The following BMS1 variants were observed in gnomAD, a reference collection of about 807,000 sequenced individuals.
BMS1 encodes BMS1 ribosome biogenesis factor.
BMS1 carries 53 observed loss-of-function variants against 138.7 expected under a neutral mutation model. The observed-to-expected ratio is 0.38, with a 90% CI of 0.31 to 0.48. The LOEUF (loss-of-function observed/expected upper bound fraction) is 0.48, where lower values mean the gene tolerates loss of function less well. Ranked by LOEUF, BMS1 falls within the 20% of genes least tolerant of loss-of-function variation. BMS1 has a pLI of 0.97. For missense variants in BMS1, 1,360 were observed against 1,565.5 expected (o/e 0.87, Z 2.22); for synonymous variants, 504 against 539.9 (o/e 0.93, Z 0.92).
chr10:42,817,882 C>T (rs1039503016), intron 15 of BMS1, among the ~76,000 whole-genome samples: 21 of 152,288 alleles, frequency 1.4e-4, no homozygotes, highest in African/African-American at 5.1e-4. Flanking sequence ...ATCAGTGGCC[C>T]CTGTGGCTTA....
chr10:42,817,520 C>A, intron 15 of BMS1, 26 bp downstream of exon 15: 1 of 1,583,032 alleles, frequency 6.3e-7, no homozygotes. Flanking sequence ...TCCTCTCAGC[C>A]CCTTGTCAAG....
At chr10:42,829,096 A>G (rs1348299854) in intron 21 of BMS1, among the ~76,000 whole-genome samples, 1 of 152,222 alleles carries the variant, frequency 6.6e-6, no homozygotes, top group Non-Finnish European at 1.5e-5. Context: ...CTTTCAATTT[A>G]TTAACAGTAT....
chr10:42,821,120 T>C (rs1564429627), intron 18 of BMS1, 128 bp downstream of exon 18: 4 of 812,840 alleles, frequency 4.9e-6, no homozygotes, highest in East Asian at 2.6e-5. Context: ...AATTTCCCTT[T>C]GCTTTTAATC....
chr10:42,798,423 G>C, intron 11 of BMS1, 45 bp from the exon 12 acceptor site: 1 of 1,612,228 alleles, frequency 6.2e-7, no homozygotes, highest in Non-Finnish European at 8.5e-7. Context: ...GTCCTCTAGG[G>C]CTGTAATTTT....
At chr10:42,802,600 T>G (rs1342006790) in intron 13 of BMS1, among the ~76,000 whole-genome samples, 1 of 151,948 alleles carries the variant, frequency 6.6e-6, no homozygotes, top group Non-Finnish European at 1.5e-5. Context: ...TACCAACCCA[T>G]AAAAAAACCT....
At chr10:42,826,890 C>T (rs1009446301) in intron 21 of BMS1, among the ~76,000 whole-genome samples, 8 of 152,038 alleles carry the variant, frequency 5.3e-5, no homozygotes, top group Non-Finnish European at 7.4e-5. Context: ...AGGGGCAGGG[C>T]GCAATGGCAG....
Position 42,830,441 on chromosome 10 carries a change from T to C in BMS1, c.3618+19T>C. On this transcript the variant is annotated intron_variant, in intron 22 of 22. Coordinates refer to ENST00000374518, the MANE Select transcript of BMS1 (RefSeq NM_014753.4). Reference sequence around the variant, plus strand: ...AAGAAAGGTACTGTTGCCCATGCTGTACTGCACGCTGCGTTTAGATAGGAA... The same window carrying C: ...AAGAAAGGTACTGTTGCCCATGCTGCACTGCACGCTGCGTTTAGATAGGAA... 1 of 1,582,358 alleles carries C rather than the reference T, an allele frequency of 6.3e-7. No individual in the cohort carries two copies. Among genetic ancestry groups the C allele is most frequent in the Non-Finnish European group, 8.5e-7 (1 of 1,169,916 alleles).
At chr10:42,821,831 G>A (rs550911273) in intron 18 of BMS1, among the ~76,000 whole-genome samples, 3 of 152,268 alleles carry the variant, frequency 2.0e-5, no homozygotes, top group East Asian at 1.9e-4. Flanking sequence ...GGGATTACAG[G>A]TATGAGCCAC....
At chr10:42,790,289 A>G (rs1260637571) in intron 4 of BMS1, 34 bp from the exon 5 acceptor site, 1 of 1,609,188 alleles carries the variant, frequency 6.2e-7, no homozygotes, top group Non-Finnish European at 8.5e-7. Flanking sequence ...CTGTTTTGGT[A>G]GTTTCTTTGA....
chr10:42,799,048 C>T (rs557551192), intron 12 of BMS1, among the ~76,000 whole-genome samples: 2 of 152,324 alleles, frequency 1.3e-5, no homozygotes, highest in East Asian at 1.9e-4. Context: ...TGTAGTCACA[C>T]TGGAATTCAT....
At chr10:42,786,968 A>C (rs1841352142) in intron 3 of BMS1, among the ~76,000 whole-genome samples, 200 bp from the exon 4 acceptor site, 1 of 152,114 alleles carries the variant, frequency 6.6e-6, no homozygotes, top group South Asian at 2.1e-4. Flanking sequence ...ATGTTATTTA[A>C]ATTTAGAACA....
chr10:42,818,613 T>C (rs1257615318), intron 15 of BMS1, among the ~76,000 whole-genome samples: 1 of 152,176 alleles, frequency 6.6e-6, no homozygotes, highest in African/African-American at 2.4e-5. Context: ...GTAAGTTAGA[T>C]AGGAAACCCT....
intron 3 of BMS1, 115 bp downstream of exon 3, chr10:42,785,787 T>C (rs1644658576): frequency 3.3e-6 from 4 of 1,197,568 alleles, no homozygotes; most frequent in Non-Finnish European, 4.8e-6. Context: ...ATCATGGGAC[T>C]TCTCTTATAC....
At position 42,830,421 on chromosome 10, in the gene BMS1, A is replaced by G. The variant is rs199956903; in HGVS notation, c.3617A>G (p.Lys1206Arg). Reference protein sequence around the residue: ...PAVIREPHERKILALLDALST... With the variant: ...PAVIREPHERRILALLDALST... ...GTCATACGCGAGCCTCATGAAAGAA[A>G]GGTACTGTTGCCCATGCTGTACTGC... The change falls in exon 22 of 23, where the codon AAG becomes AGG. Residue 1206 changes from lysine (K) to arginine (R), a missense_variant and splice_region_variant. Transcript: ENST00000374518. 3 of 1,607,102 alleles carry G rather than the reference A, an allele frequency of 1.9e-6. No homozygotes were observed. In the East Asian group the frequency reaches 6.7e-5, roughly 36 times the overall value.
Position 42,784,520 on chromosome 10 carries a change from C to T in BMS1, c.126C>T (p.Pro42=), listed in dbSNP as rs746786605. Residue 42 remains proline (P), a synonymous_variant, in exon 2 of 23, where the codon CCC becomes CCT. Transcript: ENST00000374518. ...GDEEDARKRN[P]KAFAVQSAVR... ...AAGAAGATGCCCGGAAGAGAAATCCCAAAGCTTTTGCAGTTCAGTCTGCTG... is the reference window on the plus strand; with the variant it reads ...AAGAAGATGCCCGGAAGAGAAATCCTAAAGCTTTTGCAGTTCAGTCTGCTG... 1 of 1,613,932 alleles carries T rather than the reference C, an allele frequency of 6.2e-7. No homozygotes were observed. The highest frequency in any genetic ancestry group is 2.2e-5 in the East Asian group (1 of 44,878).
At chr10:42,811,830 G>GGTCTTAAATATTAC (rs1842195237) in intron 13 of BMS1, among the ~76,000 whole-genome samples, 1 of 152,104 alleles carries the variant, frequency 6.6e-6, no homozygotes, top group African/African-American at 2.4e-5. Flanking sequence ...GGCCTCACGT[G>GGTCTTAAATATTAC]TTGTATTTTC....
chr10:42,803,954 A>G (rs868151205), intron 13 of BMS1, among the ~76,000 whole-genome samples: 1 of 152,308 alleles, frequency 6.6e-6, no homozygotes, highest in South Asian at 2.1e-4. Flanking sequence ...ACTATTCAGT[A>G]GGTTGTGCCC....
rs780961391 is a variant in BMS1, at chr10:42,784,394, T to C, written c.-1T>C. 6.2e-6 allele frequency: 10 copies of C among 1,600,220 alleles called. No individual in the cohort carries two copies. Among genetic ancestry groups the C allele is most frequent in the Non-Finnish European group, 8.5e-6 (10 of 1,177,454 alleles). On this transcript the variant is annotated 5_prime_UTR_variant, in exon 2 of 23. Coordinates refer to ENST00000374518, the MANE Select transcript of BMS1 (RefSeq NM_014753.4). ...TTACTTGTTATTGGTAAATAGCCACTATGGAGGCTAAGGACCAGAAGAAAC... is the reference window on the plus strand; with the variant it reads ...TTACTTGTTATTGGTAAATAGCCACCATGGAGGCTAAGGACCAGAAGAAAC...
chr10:42,786,858 T>C (rs918408310), intron 3 of BMS1, among the ~76,000 whole-genome samples: 26 of 152,228 alleles, frequency 1.7e-4, no homozygotes, highest in African/African-American at 5.3e-4. Flanking sequence ...GGCAAAGACA[T>C]TGGGCCTGCA....
Sources: allele counts gnomAD v4.1 joint callset (sites outside exome capture counted in the v4.1 genomes callset), GRCh38; gene constraint gnomAD v4.1.1; transcripts MANE v1.5; gene names NCBI Gene and HGNC (gene_info 2026-07-23, HGNC 2026-07-21).